The following FLNB variants were observed in gnomAD, a reference collection of about 807,000 sequenced individuals.
The protein encoded by FLNB is filamin-B.
Under a neutral mutation model 250.6 loss-of-function variants are expected in FLNB, and 111 were observed. That is an observed-to-expected ratio of 0.44 (90% CI 0.38 to 0.52). FLNB has a LOEUF of 0.52. FLNB is among the 20% of genes least tolerant of loss of function. FLNB has a pLI of 0.00. For synonymous variants in FLNB, 1,302 were observed against 1,372.1 expected (o/e 0.95, Z 1.13); for missense variants, 2,869 against 3,447.8 (o/e 0.83, Z 4.20).
chr3:58,145,573 A>G (rs2097334498), intron 32 of FLNB, among the ~76,000 whole-genome samples: 1 of 152,184 alleles, frequency 6.6e-6, no homozygotes, highest in African/African-American at 2.4e-5. Context: ...AGCCCTTTCC[A>G]CTTACCTTCC....
At chr3:58,064,163 G>T (rs571349162) in intron 1 of FLNB, among the ~76,000 whole-genome samples, 2 of 152,078 alleles carry the variant, frequency 1.3e-5, no homozygotes, top group African/African-American at 4.8e-5. Context: ...TTTTTGAGAC[G>T]AAGTTTCACT....
intron 18 of FLNB, 40 bp downstream of exon 18, chr3:58,112,358 AG>A (rs2097270320): frequency 6.2e-7 from 1 of 1,601,306 alleles, no homozygotes; most frequent in African/African-American, 1.3e-5. Flanking sequence ...GCCCCCAGCC[AG>A]GCCCCTTTCT....
chr3:58,028,068 C>A (rs528155490), intron 1 of FLNB, among the ~76,000 whole-genome samples: 4 of 152,306 alleles, frequency 2.6e-5, no homozygotes, highest in East Asian at 1.9e-4. Context: ...ACTAGGAGAA[C>A]TGGGAAGAGA....
chr3:58,045,999 C>CAAAAAAAA (rs34327981), intron 1 of FLNB, among the ~76,000 whole-genome samples: 2 of 68,972 alleles, frequency 2.9e-5, no homozygotes, highest in African/African-American at 1.1e-4. Context: ...ACTCCGTCTC[C>CAAAAAAAA]AAAAAAAAAA....
At chr3:58,135,726 GA>G (rs1428462721) in intron 27 of FLNB, among the ~76,000 whole-genome samples, 1 of 152,166 alleles carries the variant, frequency 6.6e-6, no homozygotes, top group East Asian at 1.9e-4. Flanking sequence ...CATTTCAGAG[GA>G]TTTCGAGCTA....
intron 1 of FLNB, among the ~76,000 whole-genome samples, chr3:58,044,075 A>G (rs533527208): frequency 5.8e-4 from 89 of 152,306 alleles, no homozygotes; most frequent in Non-Finnish European, 1.1e-3. Context: ...CGGTGTAGCC[A>G]TAGGCAGAGA....
rs1331391516 is a variant in FLNB at position 58,008,720 on chromosome 3, G to T, written c.156G>T (p.Ala52=). Residue 52 remains alanine (A), a synonymous_variant, in exon 1 of 46, where the codon GCG becomes GCT. Coordinates refer to ENST00000295956, the MANE Select transcript of FLNB (RefSeq NM_001457.4). Reference sequence around the variant, plus strand: ...TGAGCGACGGGCTGCGGCTCATCGCGCTGCTCGAGGTGCTCAGCCAGAAGC... The same window carrying T: ...TGAGCGACGGGCTGCGGCTCATCGCTCTGCTCGAGGTGCTCAGCCAGAAGC... ...TDLSDGLRLI[A]LLEVLSQKRM... 2.5e-6 allele frequency: 4 copies of T among 1,614,062 alleles called. No individual in the cohort carries two copies. Among genetic ancestry groups the T allele is most frequent in the Non-Finnish European group, 3.4e-6 (4 of 1,180,050 alleles).
intron 1 of FLNB, among the ~76,000 whole-genome samples, chr3:58,070,660 CTTT>C (rs1202591087): frequency 1.0e-4 from 9 of 89,646 alleles, no homozygotes; most frequent in African/African-American, 3.9e-4. Flanking sequence ...CTCTCTCTCT[CTTT>C]TTTTTTTTTT....
At chr3:58,135,214 T>C (rs1354822354) in intron 27 of FLNB, among the ~76,000 whole-genome samples, 2 of 152,236 alleles carry the variant, frequency 1.3e-5, no homozygotes, top group Admixed American at 6.5e-5. Context: ...GACTAAGTTA[T>C]GCTGCATATC....
intron 43 of FLNB, among the ~76,000 whole-genome samples, chr3:58,166,712 C>T (rs1197995515): frequency 1.3e-5 from 2 of 152,022 alleles, no homozygotes; most frequent in East Asian, 1.9e-4. Context: ...GTCCCAGCTA[C>T]TTTGGAGGCT....
At chr3:58,118,045 C>G (rs1034220823) in intron 18 of FLNB, among the ~76,000 whole-genome samples, 2 of 152,116 alleles carry the variant, frequency 1.3e-5, no homozygotes, top group Non-Finnish European at 2.9e-5. Context: ...TTTCTTGGAG[C>G]CTCGATTTGG....
chr3:58,041,831 C>T (rs990754801), intron 1 of FLNB, among the ~76,000 whole-genome samples: 1 of 152,164 alleles, frequency 6.6e-6, no homozygotes, highest in African/African-American at 2.4e-5. Flanking sequence ...GCTTCCCGAG[C>T]AGCTTGTCTT....
At chr3:58,049,423 G>A (rs1339977249) in intron 1 of FLNB, among the ~76,000 whole-genome samples, 1 of 152,116 alleles carries the variant, frequency 6.6e-6, no homozygotes, top group Non-Finnish European at 1.5e-5. Flanking sequence ...TGAAGAATGT[G>A]CCCTTGCTAG....
Position 58,123,666 on chromosome 3 carries a change from T to G in FLNB, c.3700T>G (p.Phe1234Val). The G allele has an allele frequency of 6.2e-7, 1 of 1,605,258 alleles. No individual in the cohort carries two copies. Among genetic ancestry groups the G allele is most frequent in the Non-Finnish European group, 8.5e-7 (1 of 1,178,162 alleles). ...CGTGGACACCAGCAGGATCAAAGTCTTTGGACCAGGAATAGAAGGGAAAGG... is the reference window on the plus strand; with the variant it reads ...CGTGGACACCAGCAGGATCAAAGTCGTTGGACCAGGAATAGAAGGGAAAGG... ...PAVDTSRIKV[F>V]GPGIEGKDVF... The change falls in exon 21 of 46, where the codon TTT becomes GTT. Residue 1234 changes from phenylalanine to valine, a missense_variant. Physicochemically the swap from Phe to Val is conservative, Grantham distance 50. This residue lies in a region of FLNB where 1,348 missense variants were observed against 1,466.7 expected (regional missense o/e 0.92). Transcript: ENST00000295956.
chr3:58,064,852 G>A (rs1007135903), intron 1 of FLNB, among the ~76,000 whole-genome samples: 12 of 151,992 alleles, frequency 7.9e-5, no homozygotes, highest in African/African-American at 1.9e-4. Flanking sequence ...GTCTCCCCCC[G>A]CCACACACAC....
At chr3:58,156,222 C>G (rs945251658) in intron 41 of FLNB, 147 bp downstream of exon 41, 4 of 674,368 alleles carry the variant, frequency 5.9e-6, no homozygotes, top group African/African-American at 1.8e-5. Context: ...GGGGAGCTTT[C>G]CTGTGGCAGA....
intron 1 of FLNB, among the ~76,000 whole-genome samples, chr3:58,061,631 A>C (rs982977983): frequency 2.0e-5 from 3 of 151,870 alleles, no homozygotes; most frequent in Non-Finnish European, 4.4e-5. Flanking sequence ...AATGTCCCAG[A>C]TACTCAGGAA....
intron 8 of FLNB, 94 bp from the exon 9 acceptor site, chr3:58,102,109 A>T (rs920268294): frequency 6.8e-7 from 1 of 1,468,356 alleles, no homozygotes; most frequent in Non-Finnish European, 9.5e-7. Flanking sequence ...TGCAAAGCAA[A>T]TATTTTCTTG....
At chr3:58,077,425 GC>G in intron 2 of FLNB, 131 bp downstream of exon 2, 1 of 1,210,522 alleles carries the variant, frequency 8.3e-7, no homozygotes, top group Non-Finnish European at 1.2e-6. Flanking sequence ...CCCATTATAA[GC>G]CCATTATAAG....
Sources: allele counts gnomAD v4.1 joint callset (sites outside exome capture counted in the v4.1 genomes callset), GRCh38; gene constraint gnomAD v4.1.1; regional missense constraint gnomAD v4.1.1; transcripts MANE v1.5; gene names NCBI Gene and HGNC (gene_info 2026-07-23, HGNC 2026-07-21).